Variants in ENPP3 observed in about 807,000 individuals in gnomAD.
ENPP3 encodes ectonucleotide pyrophosphatase/phosphodiesterase 3, also known as ectonucleotide pyrophosphatase/phosphodiesterase family member 3.
A neutral mutation model predicts 117.8 loss-of-function variants in ENPP3; 104 were observed. That is an observed-to-expected ratio of 0.88 (90% CI 0.75 to 1.04). The LOEUF is 1.04. ENPP3 is among the 50% of genes least tolerant of loss of function. ENPP3 has a pLI of 0.00. For missense variants in ENPP3, 1,026 were observed against 1,051.9 expected, an observed-to-expected ratio of 0.98 and a Z score of 0.34; for synonymous variants, 380 against 349.9, an observed-to-expected ratio of 1.09 and a Z score of -0.96.
intron 6 of ENPP3, among the ~76,000 whole-genome samples, chr6:131,663,602 A>G (rs1037313896): frequency 1.4e-5 from 2 of 147,482 alleles, no homozygotes; most frequent in African/African-American, 5.3e-5. Context: ...ACTGAGGCAG[A>G]AGGATCCCTT....
In ENPP3 at chr6:131,674,052, G is replaced by A. The variant is rs796946042; in HGVS notation, c.643-110G>A. 13 of 636,700 alleles carry A rather than the reference G, an allele frequency of 2.0e-5. No homozygotes were observed. In the African/African-American group the frequency reaches 2.2e-4, roughly 11 times the overall value. The allele number at this position is 636,700 out of a possible 1,614,324, so 39.4% of individuals were successfully genotyped here. ...CAGGTCCAGGTGTTTTACATTGAAA[G>A]GTATATAGTACCTTTCTTAGGTATG... On this transcript the variant is annotated intron_variant, in intron 7 of 24. Coordinates refer to ENST00000357639, the MANE Select transcript of ENPP3 (RefSeq NM_005021.5).
intron 6 of ENPP3, among the ~76,000 whole-genome samples, chr6:131,663,524 CAAAAA>C (rs766427836): frequency 1.7e-4 from 14 of 83,580 alleles, no homozygotes; most frequent in Admixed American, 7.8e-4. Context: ...CTGTCTCTAC[CAAAAA>C]AAAAAAAAAA....
chr6:131,677,882 C>T lies in ENPP3; in HGVS notation c.953C>T (p.Thr318Ile). 1 of 1,605,722 alleles carries T rather than the reference C, an allele frequency of 6.2e-7. No individual in the cohort carries two copies. Among genetic ancestry groups the T allele is most frequent in the Non-Finnish European group, 8.5e-7 (1 of 1,172,662 alleles). Reference protein sequence around the residue: ...LPKAERPRFYTMYFEEPDSSG... With the variant: ...LPKAERPRFYIMYFEEPDSSG... ...TTTACCCCTAGACCCAGGTTTTATA[C>T]CATGTATTTTGAAGAACCTGATTCC... The change falls in exon 11 of 25, where the codon ACC becomes ATC. Residue 318 changes from threonine to isoleucine, a missense_variant. By Grantham distance (89) the Thr-to-Ile change is moderately conservative (BLOSUM62 -1). Transcript: ENST00000357639.
At chr6:131,664,508 TG>T (rs1778575292) in intron 6 of ENPP3, among the ~76,000 whole-genome samples, 1 of 152,194 alleles carries the variant, frequency 6.6e-6, no homozygotes, top group African/African-American at 2.4e-5. Flanking sequence ...AATACATTTT[TG>T]TAAGTTTAGT....
At chr6:131,662,918 T>C (rs1778533706) in intron 6 of ENPP3, among the ~76,000 whole-genome samples, 1 of 152,174 alleles carries the variant, frequency 6.6e-6, no homozygotes, top group Admixed American at 6.5e-5. Flanking sequence ...TTAGTTAAAT[T>C]TATTTCTAAG....
chr6:131,692,823 TATG>T lies in ENPP3; in HGVS notation c.1285-671_1285-669del, dbSNP rs201955563. ...GTTATATATGATATATGATATATGATATGATATGTATATATGATATGATATATA... is the reference window on the plus strand; with the variant it reads ...GTTATATATGATATATGATATATGATATATGTATATATGATATGATATATA... On this transcript the variant is annotated intron_variant, in intron 14 of 24. Coordinates refer to ENST00000357639, the MANE Select transcript of ENPP3 (RefSeq NM_005021.5). Among the ~76,000 whole-genome samples, 1,371 of 143,974 alleles carry T rather than the reference TATG, an allele frequency of 9.5e-3. 12 individuals are homozygous for T. Among genetic ancestry groups the T allele is most frequent in the Middle Eastern group, 0.022 (5 of 224 alleles). 94.5% of individuals were successfully genotyped at this position (143,974 alleles called of 152,430 possible).
chr6:131,641,146 G>T lies in ENPP3; in HGVS notation c.79-309G>T, dbSNP rs73779844. On this transcript the variant is annotated intron_variant, in intron 1 of 24. Coordinates refer to ENST00000357639, the MANE Select transcript of ENPP3 (RefSeq NM_005021.5). ...AATGGCCCAGAAAAATGGTTTTATG[G>T]TTTTAATTCTTAACTTTAACTCAAT... Among the ~76,000 whole-genome samples, 1,178 of 152,172 alleles carry T rather than the reference G, an allele frequency of 7.7e-3. 24 individuals are homozygous for T. The highest frequency in any genetic ancestry group is 0.027 in the African/African-American group (1,133 of 41,512).
intron 11 of ENPP3, among the ~76,000 whole-genome samples, chr6:131,679,842 C>T (rs979527097): frequency 7.9e-5 from 12 of 152,166 alleles, no homozygotes; most frequent in Non-Finnish European, 1.6e-4. Context: ...ATAATAGTAG[C>T]AGCTCACCCT....
Position 131,733,644 on chromosome 6 carries a change from G to A in ENPP3, c.2010G>A (p.Arg670=), listed in dbSNP as rs971616540. 1 of 1,614,068 alleles carries A rather than the reference G, an allele frequency of 6.2e-7. No individual in the cohort carries two copies. The highest frequency in any genetic ancestry group is 8.5e-7 in the Non-Finnish European group (1 of 1,179,966). The part of the protein sequence containing the change: ...TVPDCLRADV[R]VPPSESQKCS... ...CAGACTGTCTGCGGGCTGATGTCAG[G>A]GTTCCTCCTTCTGAGAGCCAAAAAT... is the stretch of plus-strand genomic sequence containing the variant. The change falls in exon 21 of 25, where the codon AGG becomes AGA. Residue 670 remains arginine, a synonymous_variant. Coordinates refer to ENST00000357639, the MANE Select transcript of ENPP3 (RefSeq NM_005021.5).
In ENPP3 at chr6:131,679,082, T is replaced by C. The variant is rs71572978; in HGVS notation, c.1011+1142T>C. Among the ~76,000 whole-genome samples, 405 of 129,822 alleles carry C rather than the reference T, an allele frequency of 3.1e-3. 16 individuals carry two copies. The highest frequency in any genetic ancestry group is 0.012 in the Middle Eastern group (3 of 248). The allele number at this position is 129,822 out of a possible 152,430, so 85.2% of individuals were successfully genotyped here. ...CTTTCTTTCTTTCTTTCTTTCTTTC[T>C]TTCTTTTCTTCTTTCTTTCTTTCCT... On this transcript the variant is annotated intron_variant, in intron 11 of 24. Coordinates refer to ENST00000357639, the MANE Select transcript of ENPP3 (RefSeq NM_005021.5).
At chr6:131,718,818 TA>T in intron 16 of ENPP3, 80 bp downstream of exon 16, 2 of 774,090 alleles carry the variant, frequency 2.6e-6, no homozygotes, top group Admixed American at 4.5e-5. Flanking sequence ...GTTACATAGG[TA>T]AACATCTGTC....
At chr6:131,661,334 A>G (rs1400700868) in intron 6 of ENPP3, among the ~76,000 whole-genome samples, 2 of 152,066 alleles carry the variant, frequency 1.3e-5, no homozygotes, top group Non-Finnish European at 2.9e-5. Flanking sequence ...TTGCCTTTCT[A>G]CCAACAGTGT....
intron 24 of ENPP3, among the ~76,000 whole-genome samples, chr6:131,740,617 A>G: frequency 6.6e-6 from 1 of 152,318 alleles, no homozygotes; most frequent in South Asian, 2.1e-4. Flanking sequence ...TTTTATTTAT[A>G]TACGTTTTAT....
chr6:131,654,384 T>C (rs547757139), intron 5 of ENPP3, among the ~76,000 whole-genome samples: 37 of 152,160 alleles, frequency 2.4e-4, no homozygotes, highest in Admixed American at 6.5e-4. Context: ...CAACTGATCC[T>C]CCTGCCTTGG....
chr6:131,683,844 G>A (rs751250889), intron 12 of ENPP3, among the ~76,000 whole-genome samples: 62 of 146,438 alleles, frequency 4.2e-4, no homozygotes, highest in Non-Finnish European at 6.5e-4. Flanking sequence ...TCTGCCTCCC[G>A]AGTTCATGCC....
At chr6:131,659,112 T>C (rs1778445803) in intron 6 of ENPP3, among the ~76,000 whole-genome samples, 1 of 152,220 alleles carries the variant, frequency 6.6e-6, no homozygotes, top group African/African-American at 2.4e-5. Flanking sequence ...ACTTCTGTGT[T>C]AGGACACTTG....
intron 5 of ENPP3, 21 bp downstream of exon 5, chr6:131,652,912 G>T: frequency 1.3e-6 from 2 of 1,555,076 alleles, no homozygotes; most frequent in Non-Finnish European, 1.8e-6. Flanking sequence ...CTGATACAGG[G>T]ATTTTTATCC....
At chr6:131,670,282 G>T (rs983728082) in intron 6 of ENPP3, among the ~76,000 whole-genome samples, 3 of 152,120 alleles carry the variant, frequency 2.0e-5, no homozygotes, top group Non-Finnish European at 2.9e-5. Flanking sequence ...GTTGACTTTT[G>T]TTATATTAGA....
Position 131,747,029 on chromosome 6 carries a change from G to T in ENPP3, c.*73G>T. On this transcript the variant is annotated 3_prime_UTR_variant, in exon 25 of 25. Coordinates refer to ENST00000357639, the MANE Select transcript of ENPP3 (RefSeq NM_005021.5). Reference sequence around the variant, plus strand: ...GGCAAAATATAAGTGATTTTTTTCTGGAGAATTGTAAAATAAAGTTTTCTA... The same window carrying T: ...GGCAAAATATAAGTGATTTTTTTCTTGAGAATTGTAAAATAAAGTTTTCTA... 1.3e-6 allele frequency: 1 copy of T among 762,040 alleles called. No individual in the cohort carries two copies. The highest frequency in any genetic ancestry group is 1.9e-6 in the Non-Finnish European group (1 of 513,922). 47.2% of individuals were successfully genotyped at this position (762,040 alleles called of 1,614,324 possible). A position where few individuals can be genotyped will look rare whatever the true frequency, so the allele number is the denominator to read the frequency against.
Sources: allele counts gnomAD v4.1 joint callset (sites outside exome capture counted in the v4.1 genomes callset), GRCh38; gene constraint gnomAD v4.1.1; transcripts MANE v1.5; gene names NCBI Gene and HGNC (gene_info 2026-07-23, HGNC 2026-07-21).